Variants in DISC1 observed in about 807,000 individuals in gnomAD.
The protein encoded by DISC1 is DISC1 scaffold protein.
Under a neutral mutation model 84.5 loss-of-function variants are expected in DISC1, and 57 were observed. The observed-to-expected ratio is 0.67, with a 90% CI of 0.55 to 0.84. The LOEUF (loss-of-function observed/expected upper bound fraction) is 0.84, where lower values mean the gene tolerates loss of function less well. DISC1 is among the 40% of genes least tolerant of loss of function. The probability of loss-of-function intolerance (pLI) is 0.00; values close to 1 mark genes in which losing one functional copy is unlikely to be tolerated. For synonymous variants in DISC1, 411 were observed against 415.2 expected (o/e 0.99, Z 0.12); for missense variants, 1,000 against 1,057.8 (o/e 0.95, Z 0.76).
Position 231,942,054 on chromosome 1 carries a change from C to T in DISC1, c.1982-16774C>T, listed in dbSNP as rs79696546. On this transcript the variant is annotated intron_variant, in intron 9 of 12. Coordinates refer to ENST00000439617, the MANE Select transcript of DISC1 (RefSeq NM_018662.3). ...AAAACCAGACGTGTGATCTGGGGGC[C>T]GGGGGACGAGGTAACCAGGGGATGA... Among the ~76,000 whole-genome samples the T allele has an allele frequency of 5.5e-3, 831 of 151,852 alleles. 8 individuals carry two copies. The highest frequency in any genetic ancestry group is 0.019 in the African/African-American group (785 of 41,416).
chr1:232,030,432 C>T (rs1398437771), intron 12 of DISC1, among the ~76,000 whole-genome samples: 1 of 152,116 alleles, frequency 6.6e-6, no homozygotes, highest in Non-Finnish European at 1.5e-5. Context: ...ATTTCAAAGC[C>T]CTCAGGGCAG....
intron 12 of DISC1, among the ~76,000 whole-genome samples, chr1:232,026,762 CTT>C (rs545455868): frequency 0.026 from 2,855 of 110,702 alleles, 29 homozygotes; most frequent in East Asian, 0.14. Flanking sequence ...TTTCTTTTTT[CTT>C]TTTTTTTTTT....
intron 3 of DISC1, among the ~76,000 whole-genome samples, chr1:231,719,408 A>C (rs1186853836): frequency 1.3e-5 from 2 of 152,232 alleles, no homozygotes; most frequent in Admixed American, 1.3e-4. Context: ...CATTATTAAT[A>C]GCTGATAATT....
At chr1:231,791,741 G>A (rs972053880) in intron 6 of DISC1, among the ~76,000 whole-genome samples, 5 of 152,162 alleles carry the variant, frequency 3.3e-5, no homozygotes, top group African/African-American at 9.7e-5. Flanking sequence ...TAAAAAGTGG[G>A]GATTGGTTTC....
intron 9 of DISC1, among the ~76,000 whole-genome samples, chr1:231,853,542 C>T (rs542928653): frequency 1.1e-4 from 17 of 152,352 alleles, no homozygotes; most frequent in African/African-American, 3.8e-4. Context: ...GGACCACCAT[C>T]ACATACATGG....
intron 9 of DISC1, among the ~76,000 whole-genome samples, chr1:231,825,562 T>A (rs2081803865): frequency 6.6e-6 from 1 of 152,168 alleles, no homozygotes; most frequent in Non-Finnish European, 1.5e-5. Flanking sequence ...AAGAAGAGCC[T>A]GTTTGCCATG....
intron 10 of DISC1, among the ~76,000 whole-genome samples, chr1:231,977,945 T>G (rs1333667066): frequency 2.0e-5 from 3 of 152,242 alleles, no homozygotes; most frequent in Admixed American, 2.0e-4. Flanking sequence ...GAGAAATGTT[T>G]CTTAGGTCTC....
At chr1:231,733,853 T>C (rs1336404338) in intron 3 of DISC1, among the ~76,000 whole-genome samples, 2 of 149,218 alleles carry the variant, frequency 1.3e-5, no homozygotes, top group Non-Finnish European at 3.0e-5. Context: ...ATGGTAGTGA[T>C]GGTAGGGGTG....
In DISC1 at chr1:231,698,943, C is replaced by T. The variant is rs547384365; in HGVS notation, c.1048-3012C>T. On this transcript the variant is annotated intron_variant, in intron 2 of 12. Transcript: ENST00000439617. The surrounding 1 kb of genome is among the most constrained non-coding windows in gnomAD (Gnocchi z 4.9). ...AAGCATTTATCAATGACAACGAGTA[C>T]AATGCCTTATCCTAGGCTTTGGAGA... 2.5e-4 allele frequency among the ~76,000 whole-genome samples: 38 copies of T among 152,294 alleles called. 1 individual carries two copies. Among genetic ancestry groups the T allele is most frequent in the Admixed American group, 1.8e-3 (27 of 15,302 alleles).
chr1:231,914,659 C>T lies in DISC1; in HGVS notation c.1982-44169C>T, dbSNP rs114410824. ...TCAGCTTGGGTGGCACATCCGTCCC[C>T]GTGATTATACAGGGACACGAGCAAA... On this transcript the variant is annotated intron_variant, in intron 9 of 12. Coordinates refer to ENST00000439617, the MANE Select transcript of DISC1 (RefSeq NM_018662.3). Among the ~76,000 whole-genome samples, 674 of 152,264 alleles carry T rather than the reference C, an allele frequency of 4.4e-3. 6 individuals carry two copies. The highest frequency in any genetic ancestry group is 0.015 in the African/African-American group (626 of 41,554).
intron 8 of DISC1, among the ~76,000 whole-genome samples, chr1:231,809,439 T>C (rs555874258): frequency 7.3e-4 from 109 of 149,170 alleles, no homozygotes; most frequent in African/African-American, 2.3e-3. Flanking sequence ...GTTATCTGCT[T>C]CCAAGAAGCA....
chr1:231,875,026 C>A (rs1377881983), intron 9 of DISC1, among the ~76,000 whole-genome samples: 1 of 152,092 alleles, frequency 6.6e-6, no homozygotes. Context: ...CCCTCAGGAT[C>A]CAGGCAGAGC....
intron 9 of DISC1, among the ~76,000 whole-genome samples, chr1:231,922,758 C>T (rs1446802795): frequency 6.6e-6 from 1 of 151,956 alleles, no homozygotes. Context: ...GGTGAGATAC[C>T]CTTCCAGCTG....
chr1:231,948,764 C>T (rs1244213963), intron 9 of DISC1, among the ~76,000 whole-genome samples: 1 of 151,686 alleles, frequency 6.6e-6, no homozygotes, highest in Non-Finnish European at 1.5e-5. Context: ...TGAGGGTTCT[C>T]TATCATGATG....
intron 3 of DISC1, among the ~76,000 whole-genome samples, chr1:231,705,458 A>C (rs2124946696): frequency 6.6e-6 from 1 of 151,992 alleles, no homozygotes; most frequent in Admixed American, 6.6e-5. Flanking sequence ...GATGGGTTTG[A>C]TGCAACAGAC....
At chr1:231,642,134 C>T (rs2059760079) in intron 1 of DISC1, among the ~76,000 whole-genome samples, 1 of 152,188 alleles carries the variant, frequency 6.6e-6, no homozygotes, top group African/African-American at 2.4e-5. Context: ...TTGAACACAG[C>T]AGCTGCTGGC....
At chr1:231,691,387 T>G (rs1404343047) in intron 1 of DISC1, among the ~76,000 whole-genome samples, 1 of 151,186 alleles carries the variant, frequency 6.6e-6, no homozygotes, top group Admixed American at 6.6e-5. Flanking sequence ...GGTGAGATTG[T>G]GCCACTGCAC....
intron 9 of DISC1, chr1:231,941,052 T>C (rs941743104): frequency 5.9e-5 from 9 of 152,222 alleles, no homozygotes; most frequent in African/African-American, 2.2e-4. Flanking sequence ...GGCATGCAGG[T>C]GAACAGATGG....
At chr1:231,893,962 G>T (rs1049965094) in intron 9 of DISC1, among the ~76,000 whole-genome samples, 1 of 152,200 alleles carries the variant, frequency 6.6e-6, no homozygotes, top group African/African-American at 2.4e-5. Context: ...TGATATGAGG[G>T]ATAGAGCAGT....
Sources: allele counts gnomAD v4.1 joint callset (sites outside exome capture counted in the v4.1 genomes callset), GRCh38; gene constraint gnomAD v4.1.1; non-coding constraint Gnocchi (gnomAD v3.1); transcripts MANE v1.5; gene names NCBI Gene and HGNC (gene_info 2026-07-23, HGNC 2026-07-21).